Variants in PALS2 observed in about 807,000 individuals in gnomAD.
PALS2 encodes protein PALS2.
Under a neutral mutation model 61.6 loss-of-function variants are expected in PALS2, and 27 were observed. The observed-to-expected ratio is 0.44, with a 90% CI of 0.32 to 0.60. The LOEUF (loss-of-function observed/expected upper bound fraction) is 0.60, where lower values mean the gene tolerates loss of function less well. Among genes scored for constraint, PALS2 ranks in the 20% least tolerant of loss-of-function variants. The pLI is 0.05. For missense variants in PALS2, 554 were observed against 639.4 expected (o/e 0.87, Z 1.44); for synonymous variants, 236 against 218.6 (o/e 1.08, Z -0.70).
Position 24,687,424 on chromosome 7 carries a change from A to T in PALS2, c.1447-14A>T, listed in dbSNP as rs1276447741. The T allele has an allele frequency of 6.2e-7, 1 of 1,601,260 alleles. No individual in the cohort carries two copies. Among genetic ancestry groups the T allele is most frequent in the South Asian group, 1.1e-5 (1 of 88,436 alleles). ...ATTGTAATACAAACATTTCCTTTTAAAACTCTTCAACAGGACTCTGACTTG... is the reference window on the plus strand; with the variant it reads ...ATTGTAATACAAACATTTCCTTTTATAACTCTTCAACAGGACTCTGACTTG... On this transcript the variant is annotated splice_polypyrimidine_tract_variant and intron_variant, in intron 11 of 11. Coordinates refer to ENST00000222644, the MANE Select transcript of PALS2 (RefSeq NM_001303037.2). The surrounding 1 kb of genome is among the most constrained non-coding windows in gnomAD (Gnocchi z 4.5).
chr7:24,663,969 G>T (rs79442379), intron 6 of PALS2, among the ~76,000 whole-genome samples: 2 of 152,074 alleles, frequency 1.3e-5, no homozygotes, highest in African/African-American at 4.8e-5. Flanking sequence ...AGACCAATTG[G>T]TTTTTTTCAC....
intron 1 of PALS2, among the ~76,000 whole-genome samples, chr7:24,594,748 T>C (rs1783434656): frequency 6.6e-6 from 1 of 152,086 alleles, no homozygotes. Flanking sequence ...GATATGGTAA[T>C]TACCTTGACC....
At chr7:24,634,093 T>C (rs1209366014) in intron 2 of PALS2, among the ~76,000 whole-genome samples, 2 of 133,632 alleles carry the variant, frequency 1.5e-5, no homozygotes, top group Non-Finnish European at 3.3e-5. Flanking sequence ...TATTATGAAG[T>C]TGTGAGAGTC....
At chr7:24,676,348 T>C (rs1787592393) in intron 9 of PALS2, among the ~76,000 whole-genome samples, 1 of 151,280 alleles carries the variant, frequency 6.6e-6, no homozygotes, top group South Asian at 2.1e-4. Context: ...TGATGGTAGT[T>C]TCTTTTCCTG....
intron 2 of PALS2, among the ~76,000 whole-genome samples, chr7:24,637,978 ATTTATT>A (rs1785322155): frequency 1.3e-5 from 2 of 152,222 alleles, no homozygotes; most frequent in South Asian, 4.1e-4. Flanking sequence ...AGAAAACAAG[ATTTATT>A]TATTTAAATA....
Position 24,573,536 on chromosome 7 carries a change from C to G in PALS2, c.-60C>G. The G allele has an allele frequency of 5.2e-6, 2 of 386,380 alleles. No individual in the cohort carries two copies. Among genetic ancestry groups the G allele is most frequent in the East Asian group, 3.7e-5 (1 of 27,278 alleles). 23.9% of individuals were successfully genotyped at this position (386,380 alleles called of 1,614,324 possible). A position where few individuals can be genotyped will look rare whatever the true frequency, so the allele number is the denominator to read the frequency against. ...TGTGGCTGAGGGAGAGCAGCGGCGG[C>G]GGGGAGCGACCGGGAGCGGCGGCAG... On this transcript the variant is annotated 5_prime_UTR_variant, in exon 1 of 12. Transcript: ENST00000222644. The surrounding 1 kb of genome is among the most constrained non-coding windows in gnomAD (Gnocchi z 5.3).
chr7:24,590,841 G>C (rs1783256257), intron 1 of PALS2, among the ~76,000 whole-genome samples: 1 of 143,646 alleles, frequency 7.0e-6, no homozygotes. Context: ...GATATTCTTG[G>C]GGACTTTTTT....
chr7:24,681,010 G>A (rs537276796), intron 11 of PALS2, among the ~76,000 whole-genome samples: 11 of 152,216 alleles, frequency 7.2e-5, no homozygotes, highest in African/African-American at 2.4e-4. Flanking sequence ...GAAAATCATT[G>A]TACACTTTAT....
chr7:24,659,329 TG>T (rs1214707411), intron 5 of PALS2, among the ~76,000 whole-genome samples: 1 of 152,246 alleles, frequency 6.6e-6, no homozygotes, highest in African/African-American at 2.4e-5. Flanking sequence ...TGTGTCTTTA[TG>T]GTAGAATGAT....
chr7:24,590,121 T>C (rs1783227683), intron 1 of PALS2, among the ~76,000 whole-genome samples: 2 of 152,158 alleles, frequency 1.3e-5, no homozygotes, highest in Non-Finnish European at 2.9e-5. Context: ...GACTCTAGTA[T>C]AAAAGAATAT....
At chr7:24,665,219 G>A (rs1786952057) in intron 6 of PALS2, among the ~76,000 whole-genome samples, 1 of 152,110 alleles carries the variant, frequency 6.6e-6, no homozygotes, top group African/African-American at 2.4e-5. Flanking sequence ...CAACATAGTA[G>A]GATTAAGGTT....
chr7:24,598,661 A>G (rs541726170), intron 1 of PALS2, among the ~76,000 whole-genome samples: 1 of 152,170 alleles, frequency 6.6e-6, no homozygotes, highest in African/African-American at 2.4e-5. Context: ...GGAATTCGCA[A>G]ATTTCTGAAA....
In PALS2 at chr7:24,577,772, A is replaced by G. The variant is rs567988601; in HGVS notation, c.-3+4179A>G. On this transcript the variant is annotated intron_variant, in intron 1 of 11. Transcript: ENST00000222644. ...CTTTTCAGACAAGCATTGCTACCTA[A>G]CCATCCTTCCAGAATGACACTAGCC... 1.1e-4 allele frequency among the ~76,000 whole-genome samples: 17 copies of G among 152,124 alleles called. 1 individual carries two copies. The East Asian group carries it at 3.3e-3, about 29-fold the overall frequency.
At chr7:24,591,145 A>T (rs1185273458) in intron 1 of PALS2, among the ~76,000 whole-genome samples, 3 of 152,126 alleles carry the variant, frequency 2.0e-5, no homozygotes, top group African/African-American at 2.4e-5. Flanking sequence ...ATGTGTGTTC[A>T]GTCTTCCACT....
At chr7:24,640,341 G>A (rs1428701799) in intron 2 of PALS2, among the ~76,000 whole-genome samples, 1 of 151,834 alleles carries the variant, frequency 6.6e-6, no homozygotes, top group Non-Finnish European at 1.5e-5. Context: ...AGAAAAAATA[G>A]ATTTAAGCAA....
At chr7:24,589,109 A>G (rs934783996) in intron 1 of PALS2, 5 of 152,004 alleles carry the variant, frequency 3.3e-5, no homozygotes, top group Admixed American at 1.3e-4. Context: ...TTGGGAGGCA[A>G]AGTTCTCAAG....
intron 1 of PALS2, among the ~76,000 whole-genome samples, chr7:24,617,295 T>C (rs1372814086): frequency 6.6e-6 from 1 of 152,202 alleles, no homozygotes; most frequent in East Asian, 1.9e-4. Context: ...TTTCCTAATT[T>C]TGTTGAATCA....
intron 9 of PALS2, among the ~76,000 whole-genome samples, chr7:24,675,412 T>A (rs1480155495): frequency 6.6e-6 from 1 of 151,756 alleles, no homozygotes; most frequent in African/African-American, 2.4e-5. Context: ...TATTATACTT[T>A]TAAGTTTTAG....
chr7:24,655,772 T>G (rs543955409), intron 5 of PALS2, among the ~76,000 whole-genome samples: 111 of 151,784 alleles, frequency 7.3e-4, no homozygotes, highest in African/African-American at 2.6e-3. Flanking sequence ...GTAATTTTCC[T>G]GCCTCAGCCT....
Sources: allele counts gnomAD v4.1 joint callset (sites outside exome capture counted in the v4.1 genomes callset), GRCh38; gene constraint gnomAD v4.1.1; non-coding constraint Gnocchi (gnomAD v3.1); transcripts MANE v1.5; gene names NCBI Gene and HGNC (gene_info 2026-07-23, HGNC 2026-07-21).